HPSE2: variants seen among roughly 807,000 people sequenced by gnomAD.
HPSE2 encodes inactive heparanase-2.
A neutral mutation model predicts 60.5 loss-of-function variants in HPSE2; 38 were observed. The ratio of observed to expected loss-of-function variants is 0.63; its 90% CI spans 0.48 to 0.82. HPSE2 has a LOEUF of 0.82. Among genes scored for constraint, HPSE2 ranks in the 40% least tolerant of loss-of-function variants. The pLI, the probability that HPSE2 is intolerant of heterozygous loss-of-function variation, is 0.00. For synonymous variants in HPSE2, 295 were observed against 293.2 expected, an observed-to-expected ratio of 1.01 and a Z score of -0.06; for missense variants, 713 against 740.4, an observed-to-expected ratio of 0.96 and a Z score of 0.43.
intron 3 of HPSE2, among the ~76,000 whole-genome samples, chr10:98,854,882 A>G (rs1180142524): frequency 6.6e-6 from 1 of 152,266 alleles, no homozygotes; most frequent in Admixed American, 6.5e-5. Context: ...TTAAAAAGGG[A>G]AAAAAATTAA....
chr10:98,702,364 A>T (rs572213055), intron 5 of HPSE2, among the ~76,000 whole-genome samples: 6 of 152,292 alleles, frequency 3.9e-5, no homozygotes, highest in African/African-American at 1.4e-4. Flanking sequence ...TAATAGTGGG[A>T]GACTTTAACA....
the HPSE2 span, among the ~76,000 whole-genome samples, chr10:99,291,582 G>GAAAAAAAAAAAAAAAAAAAAAAAAA: frequency 8.6e-6 from 1 of 115,840 alleles, no homozygotes; most frequent in South Asian, 3.0e-4. Context: ...GACTCCATCT[G>GAAAAAAAAAAAAAAAAAAAAAAAAA]AAAAAAAAAA....
At chr10:98,705,992 A>C (rs1307649474) in intron 5 of HPSE2, among the ~76,000 whole-genome samples, 1 of 152,232 alleles carries the variant, frequency 6.6e-6, no homozygotes, top group Non-Finnish European at 1.5e-5. Context: ...TAATGAAAAC[A>C]ATACTGACAT....
chr10:99,130,517 C>T (rs1222792953), intron 3 of HPSE2, among the ~76,000 whole-genome samples: 7 of 152,154 alleles, frequency 4.6e-5, no homozygotes, highest in African/African-American at 1.7e-4. Context: ...AAAGGCCACA[C>T]TTTGAGATGA....
the HPSE2 span, among the ~76,000 whole-genome samples, chr10:99,278,683 T>A: frequency 0.02 from 3,090 of 152,282 alleles, 115 homozygotes; most frequent in East Asian, 0.16. Flanking sequence ...CAGAAATCAA[T>A]AAATCTGGAT....
chr10:98,965,103 C>A (rs776521830), intron 3 of HPSE2, among the ~76,000 whole-genome samples: 27 of 152,168 alleles, frequency 1.8e-4, no homozygotes, highest in Non-Finnish European at 2.5e-4. Context: ...TCTAACCTAT[C>A]CTGTACATAC....
chr10:98,522,724 CGCCTCG>C (rs780169922), intron 9 of HPSE2, among the ~76,000 whole-genome samples: 3 of 152,298 alleles, frequency 2.0e-5, no homozygotes, highest in Non-Finnish European at 2.9e-5. Flanking sequence ...GTGATCTGCC[CGCCTCG>C]GCCTCCCAAA....
intron 3 of HPSE2, among the ~76,000 whole-genome samples, chr10:99,143,869 T>C (rs1486137767): frequency 6.6e-6 from 1 of 152,134 alleles, no homozygotes; most frequent in Non-Finnish European, 1.5e-5. Flanking sequence ...TTATCTCTTT[T>C]ACATTTCATC....
chr10:98,917,881 G>T (rs1335779421), intron 3 of HPSE2, among the ~76,000 whole-genome samples: 1 of 152,168 alleles, frequency 6.6e-6, no homozygotes. Flanking sequence ...TTTTAATGAA[G>T]AGCCAGCATA....
the HPSE2 span, among the ~76,000 whole-genome samples, chr10:99,311,580 C>T: frequency 1.1e-4 from 16 of 152,270 alleles, no homozygotes; most frequent in East Asian, 1.9e-4. Flanking sequence ...GTTCTGACTG[C>T]GCCTCTGACT....
intron 11 of HPSE2, chr10:98,461,840 T>A: frequency 6.4e-7 from 1 of 1,560,598 alleles, no homozygotes; most frequent in Non-Finnish European, 8.8e-7. Flanking sequence ...CAAAACAACG[T>A]GTGATTAGCA....
intron 9 of HPSE2, among the ~76,000 whole-genome samples, chr10:98,564,723 G>T (rs1055792826): frequency 6.6e-6 from 1 of 152,204 alleles, no homozygotes; most frequent in Admixed American, 6.5e-5. Context: ...ATTTTAGGGG[G>T]TTTATAAATG....
intron 3 of HPSE2, among the ~76,000 whole-genome samples, chr10:98,807,823 A>G (rs1951076337): frequency 6.6e-6 from 1 of 152,234 alleles, no homozygotes; most frequent in African/African-American, 2.4e-5. Context: ...AATAAGCTCC[A>G]TAGCCTAAGT....
chr10:99,108,807 T>C (rs1356337617), intron 3 of HPSE2, among the ~76,000 whole-genome samples: 1 of 152,220 alleles, frequency 6.6e-6, no homozygotes, highest in Non-Finnish European at 1.5e-5. Context: ...AGGTTAAGTA[T>C]ATGGCACATT....
the HPSE2 span, among the ~76,000 whole-genome samples, chr10:99,286,308 G>A: frequency 1.3e-5 from 2 of 152,168 alleles, no homozygotes; most frequent in Non-Finnish European, 2.9e-5. Flanking sequence ...CCTAGAAGGT[G>A]AATATGATCC....
At chr10:98,490,262 GACACACAC>G (rs59184373) in intron 9 of HPSE2, 66 bp from the exon 10 acceptor site, 13,656 of 1,230,124 alleles carry the variant, frequency 0.011, 65 homozygotes, top group African/African-American at 0.025. Context: ...GAGTAAACAT[GACACACAC>G]ACACACACAC....
chr10:99,224,454 T>C (rs980861099), intron 2 of HPSE2, among the ~76,000 whole-genome samples: 20 of 144,900 alleles, frequency 1.4e-4, no homozygotes, highest in Non-Finnish European at 2.3e-4. Context: ...CACACACACA[T>C]AGCTCAGAGT....
At chr10:99,055,623 G>T (rs1958094716) in intron 3 of HPSE2, among the ~76,000 whole-genome samples, 1 of 152,004 alleles carries the variant, frequency 6.6e-6, no homozygotes, top group Non-Finnish European at 1.5e-5. Context: ...AAACTCACAA[G>T]TATGTTATCT....
intron 3 of HPSE2, among the ~76,000 whole-genome samples, chr10:99,073,021 T>TTGG (rs1014356610): frequency 1.3e-5 from 2 of 150,688 alleles, no homozygotes; most frequent in African/African-American, 4.9e-5. Flanking sequence ...TTTTACACTG[T>TTGG]TGGTGGGAAT....
Sources: gnomAD v4.1 joint callset for allele counts (sites outside exome capture counted in the v4.1 genomes callset) on GRCh38, gnomAD v4.1.1 for gene constraint, MANE v1.5 for transcripts, NCBI Gene and HGNC (gene_info 2026-07-23, HGNC 2026-07-21) for gene names.